The following SEMA6D variants were observed in gnomAD, a reference collection of about 807,000 sequenced individuals.
The protein encoded by SEMA6D is semaphorin-6D.
In SEMA6D, 35 loss-of-function variants were observed where a neutral mutation model predicts 106.6. That is an observed-to-expected ratio of 0.33 (90% CI 0.25 to 0.44). The LOEUF (loss-of-function observed/expected upper bound fraction) is 0.44, where lower values mean the gene tolerates loss of function less well. Among genes scored for constraint, SEMA6D ranks in the 20% least tolerant of loss-of-function variants. The pLI is 1.00. For missense variants in SEMA6D, 1,185 were observed against 1,345.9 expected (o/e 0.88, Z 1.87); for synonymous variants, 499 against 487.7 (o/e 1.02, Z -0.31).
chr15:47,487,777 C>T (rs2043340422), intron 3 of SEMA6D, among the ~76,000 whole-genome samples: 1 of 152,208 alleles, frequency 6.6e-6, no homozygotes, highest in Admixed American at 6.5e-5. Context: ...TCTGTATGCA[C>T]ACATGCAAGT....
At chr15:47,733,475 A>G (rs891686037) in intron 1 of SEMA6D, among the ~76,000 whole-genome samples, 3 of 152,164 alleles carry the variant, frequency 2.0e-5, no homozygotes, top group African/African-American at 7.2e-5. Flanking sequence ...ATTTTTGTTC[A>G]CCAAGGTAAA....
At chr15:47,645,504 T>G (rs2077565155) in intron 4 of SEMA6D, among the ~76,000 whole-genome samples, 2 of 148,624 alleles carry the variant, frequency 1.3e-5, no homozygotes, top group African/African-American at 2.5e-5. Flanking sequence ...AAAGTTGGAG[T>G]TTTTTTTTTC....
intron 1 of SEMA6D, among the ~76,000 whole-genome samples, chr15:47,262,946 G>A (rs2034145763): frequency 6.6e-6 from 1 of 152,068 alleles, no homozygotes; most frequent in Non-Finnish European, 1.5e-5. Flanking sequence ...AAGCAATAGG[G>A]AAAGGATTCC....
chr15:47,383,510 G>T (rs995949182), intron 1 of SEMA6D, among the ~76,000 whole-genome samples: 1 of 152,136 alleles, frequency 6.6e-6, no homozygotes, highest in Non-Finnish European at 1.5e-5. Context: ...TTGAGATCAG[G>T]CTTCTGGTAT....
chr15:47,460,842 T>G (rs906943142), intron 2 of SEMA6D, among the ~76,000 whole-genome samples: 2 of 152,108 alleles, frequency 1.3e-5, no homozygotes, highest in Admixed American at 6.6e-5. Context: ...CACTTTAACA[T>G]AAAACAGCAG....
intron 1 of SEMA6D, among the ~76,000 whole-genome samples, chr15:47,283,536 G>T (rs911431460): frequency 6.6e-6 from 1 of 151,890 alleles, no homozygotes; most frequent in Non-Finnish European, 1.5e-5. Context: ...AATCTCTTAC[G>T]TTGGCAGCTT....
rs1252510327 is a variant in SEMA6D at position 47,407,413 on chromosome 15, AAAAAC to A, written c.-238-4975_-238-4971del. ...CCAAAACAACAACAACAACAACAAA[AAAAAC>A]AAAAAAAACAAACAAAAATACTTAA... is the stretch of plus-strand genomic sequence containing the variant. On this transcript the variant is annotated intron_variant, in intron 1 of 19. Transcript: ENST00000558014. Among the ~76,000 whole-genome samples, 223 of 150,516 alleles carry A rather than the reference AAAAAC, an allele frequency of 1.5e-3. 3 individuals are homozygous for A. Among genetic ancestry groups the A allele is most frequent in the Non-Finnish European group, 2.8e-3 (188 of 67,454 alleles).
At chr15:47,445,892 G>A (rs566038035) in intron 2 of SEMA6D, among the ~76,000 whole-genome samples, 2 of 152,176 alleles carry the variant, frequency 1.3e-5, no homozygotes, top group South Asian at 4.1e-4. Context: ...CACCTCGGAC[G>A]CAGTTACATC....
chr15:47,440,316 A>ATGGCG, intron 2 of SEMA6D, among the ~76,000 whole-genome samples: 1 of 151,780 alleles, frequency 6.6e-6, no homozygotes, highest in South Asian at 2.1e-4. Context: ...GCCAAACAAA[A>ATGGCG]TGACAGTGGG....
chr15:47,497,463 T>A (rs2043704840), intron 3 of SEMA6D, among the ~76,000 whole-genome samples: 1 of 152,244 alleles, frequency 6.6e-6, no homozygotes, highest in South Asian at 2.1e-4. Context: ...TTTGACTTCA[T>A]CACATTAACA....
At chr15:47,373,754 GCTCT>G (rs2039356808) in intron 1 of SEMA6D, among the ~76,000 whole-genome samples, 1 of 152,170 alleles carries the variant, frequency 6.6e-6, no homozygotes. Flanking sequence ...CAAATTCCAG[GCTCT>G]GTTTCATACA....
chr15:47,271,373 G>A (rs753246778), intron 1 of SEMA6D, among the ~76,000 whole-genome samples: 1 of 152,200 alleles, frequency 6.6e-6, no homozygotes, highest in Admixed American at 6.5e-5. Flanking sequence ...CTGGGAATAT[G>A]CAAGGGAAGG....
At chr15:47,742,213 A>G (rs1027552557) in intron 1 of SEMA6D, among the ~76,000 whole-genome samples, 9 of 152,244 alleles carry the variant, frequency 5.9e-5, no homozygotes, top group African/African-American at 2.2e-4. Context: ...AGCAGTGATA[A>G]TAATACTACT....
In SEMA6D at chr15:47,349,401, G is replaced by A. The variant is rs374494471; in HGVS notation, c.-238-62992G>A. On this transcript the variant is annotated intron_variant, in intron 1 of 19. Transcript: ENST00000558014. Reference sequence around the variant, plus strand: ...TCATGACTCTACAGGGCATGTTGGTGCATCTGGTTAAGCCCAGAGAAGAGA... The same window carrying A: ...TCATGACTCTACAGGGCATGTTGGTACATCTGGTTAAGCCCAGAGAAGAGA... Among the ~76,000 whole-genome samples, 3 of 152,316 alleles carry A rather than the reference G, an allele frequency of 2.0e-5. No individual in the cohort carries two copies. In the South Asian group the frequency reaches 6.2e-4, roughly 32 times the overall value.
chr15:47,601,936 T>A (rs1183235787), intron 4 of SEMA6D, among the ~76,000 whole-genome samples: 1 of 152,196 alleles, frequency 6.6e-6, no homozygotes, highest in Non-Finnish European at 1.5e-5. Flanking sequence ...GTATGCTTTT[T>A]AAAAATGTCT....
intron 1 of SEMA6D, among the ~76,000 whole-genome samples, chr15:47,237,330 T>C (rs1001294873): frequency 2.6e-5 from 4 of 152,160 alleles, no homozygotes; most frequent in African/African-American, 9.6e-5. Flanking sequence ...GTTATTCCAC[T>C]TAAATGATCA....
intron 1 of SEMA6D, among the ~76,000 whole-genome samples, chr15:47,729,080 G>T (rs2079954230): frequency 6.6e-6 from 1 of 152,164 alleles, no homozygotes; most frequent in Non-Finnish European, 1.5e-5. Context: ...GGAGCGTGCG[G>T]CCAGAGTCAG....
chr15:47,346,787 A>G lies in SEMA6D; in HGVS notation c.-238-65606A>G, dbSNP rs150070293. ...TTTTTCTTACAGCATTAAAAAAAGA[A>G]GTTAATACTGTCAGAGCTCTCCCTA... On this transcript the variant is annotated intron_variant, in intron 1 of 19. Coordinates refer to the SEMA6D transcript ENST00000558014. Among the ~76,000 whole-genome samples, 559 of 152,282 alleles carry G rather than the reference A, an allele frequency of 3.7e-3. 2 individuals are homozygous for G. Among genetic ancestry groups the G allele is most frequent in the African/African-American group, 0.013 (534 of 41,560 alleles).
At chr15:47,271,254 A>G (rs1283253047) in intron 1 of SEMA6D, among the ~76,000 whole-genome samples, 1 of 152,222 alleles carries the variant, frequency 6.6e-6, no homozygotes, top group Non-Finnish European at 1.5e-5. Context: ...TTAATGAGAA[A>G]CATTTCAAAG....
Sources: allele counts gnomAD v4.1 joint callset (sites outside exome capture counted in the v4.1 genomes callset), GRCh38; gene constraint gnomAD v4.1.1; transcripts MANE v1.5; gene names NCBI Gene and HGNC (gene_info 2026-07-23, HGNC 2026-07-21).